The following NLRP7 variants were observed in gnomAD, a reference collection of about 807,000 sequenced individuals.
NLRP7 encodes NACHT, LRR and PYD domains-containing protein 7.
In NLRP7, 72 loss-of-function variants were observed where a neutral mutation model predicts 85.5. The ratio of observed to expected loss-of-function variants is 0.84; its 90% CI spans 0.70 to 1.02. NLRP7 has a LOEUF of 1.02. Ranked by LOEUF, NLRP7 falls within the 50% of genes least tolerant of loss-of-function variation. The pLI is 0.00. For synonymous variants in NLRP7, 550 were observed against 505.2 expected (o/e 1.09, Z -1.19); for missense variants, 1,243 against 1,219.5 (o/e 1.02, Z -0.29).
upstream of NLRP7, among the ~76,000 whole-genome samples, chr19:54,950,642 T>C (rs150736133): frequency 0.029 from 4,309 of 149,608 alleles, 87 homozygotes; most frequent in African/African-American, 0.048. Flanking sequence ...GCAGTATTGC[T>C]GCCCGCATGT....
chr19:54,938,118 G>A, exon 5 of NLRP7: 1 of 1,614,072 alleles, frequency 6.2e-7, no homozygotes, highest in Non-Finnish European at 8.5e-7. Context: ...CACTCAGGAA[G>A]CTTTGTTTCA....
intron 8 of NLRP7, among the ~76,000 whole-genome samples, chr19:54,930,910 C>T (rs1185843649): frequency 2.0e-5 from 3 of 152,070 alleles, no homozygotes; most frequent in Non-Finnish European, 4.4e-5. Context: ...GTAGTGCCAG[C>T]TACTCAGAAG....
At chr19:54,948,154 C>T (rs1431907191), upstream of NLRP7, among the ~76,000 whole-genome samples, 7 of 152,234 alleles carry the variant, frequency 4.6e-5, no homozygotes, top group Non-Finnish European at 8.8e-5. Context: ...GAAGCCGAGG[C>T]GGGTGGATCA....
At chr19:54,933,853 T>C in intron 7 of NLRP7, 114 bp from the exon 8 acceptor site, 1 of 915,360 alleles carries the variant, frequency 1.1e-6, no homozygotes, top group Non-Finnish European at 1.8e-6. Flanking sequence ...GTTCATCCCC[T>C]GCCCTCTGTC....
At chr19:54,960,082 G>A (rs557146233) in intron 1 of NLRP7, among the ~76,000 whole-genome samples, 12 of 152,060 alleles carry the variant, frequency 7.9e-5, no homozygotes, top group African/African-American at 2.9e-4. Flanking sequence ...CCCTTTGCAG[G>A]TTCCATCTAC....
rs537747373 is a variant in NLRP7 at position 54,959,098 on chromosome 19, G to A, written c.-77+6942C>T. Among the ~76,000 whole-genome samples the A allele has an allele frequency of 2.4e-4, 36 of 151,878 alleles. 1 individual carries two copies. The highest frequency in any genetic ancestry group is 1.0e-3 in the South Asian group (5 of 4,802). The stretch of plus-strand genomic sequence containing the variant: ...GGTTTTGGGTCTGGTGCCTGGCGCC[G>A]GGCTACCTGCCTTTGGTTTCACTTC... On this transcript the variant is annotated intron_variant, in intron 1 of 2. Transcript: ENST00000587103.
At chr19:54,932,620 C>T (rs2068724120) in intron 8 of NLRP7, among the ~76,000 whole-genome samples, 1 of 152,054 alleles carries the variant, frequency 6.6e-6, no homozygotes, top group African/African-American at 2.4e-5. Context: ...CAACCTGCCA[C>T]CTATGTCTTT....
At chr19:54,962,829 G>A (rs1429212704) in intron 1 of NLRP7, among the ~76,000 whole-genome samples, 1 of 149,936 alleles carries the variant, frequency 6.7e-6, no homozygotes, top group Non-Finnish European at 1.5e-5. Flanking sequence ...TCCATCTCCT[G>A]ACCTCGTGAT....
At chr19:54,952,919 C>T (rs2069717732) in intron 1 of NLRP7, among the ~76,000 whole-genome samples, 1 of 151,900 alleles carries the variant, frequency 6.6e-6, no homozygotes, top group African/African-American at 2.4e-5. Context: ...GGGTGGATTA[C>T]CCGAAGTAGA....
intron 1 of NLRP7, among the ~76,000 whole-genome samples, chr19:54,961,294 C>G (rs2070033544): frequency 6.6e-6 from 1 of 151,650 alleles, no homozygotes; most frequent in Non-Finnish European, 1.5e-5. Context: ...GTGGATCACC[C>G]GAGGTCAGGA....
chr19:54,943,590 G>A (rs541534626), intron 1 of NLRP7, among the ~76,000 whole-genome samples: 94 of 138,014 alleles, frequency 6.8e-4, no homozygotes, highest in African/African-American at 2.3e-3. Flanking sequence ...GACAGAGCGA[G>A]ACTCCGTCTG....
At position 54,957,048 on chromosome 19, in the gene NLRP7, G is replaced by T. The variant is rs145879588; in HGVS notation, c.-77+8992C>A. The stretch of plus-strand genomic sequence containing the variant: ...TTTATTTATTTTATTTTGAGACAGG[G>T]TCTCCCTCTATCTCCCAGGCTGCAG... On this transcript the variant is annotated intron_variant, in intron 1 of 2. Coordinates refer to the NLRP7 transcript ENST00000587103. Among the ~76,000 whole-genome samples the T allele has an allele frequency of 9.0e-3, 1,364 of 151,686 alleles. 13 individuals carry two copies. Among genetic ancestry groups the T allele is most frequent in the African/African-American group, 0.03 (1,258 of 41,384 alleles).
intron 1 of NLRP7, among the ~76,000 whole-genome samples, chr19:54,944,532 C>T (rs901009112): frequency 2.6e-5 from 4 of 151,954 alleles, no homozygotes; most frequent in East Asian, 1.9e-4. Flanking sequence ...AACTCAGAGA[C>T]CCGGCCGGCG....
At chr19:54,929,171 C>CCA (rs1053036102) in intron 9 of NLRP7, among the ~76,000 whole-genome samples, 19 of 151,996 alleles carry the variant, frequency 1.3e-4, no homozygotes, top group African/African-American at 4.6e-4. Flanking sequence ...GAGTTTGAGA[C>CCA]CAGTCTGGCT....
chr19:54,940,459 C>T (rs757284695), exon 4 of NLRP7: 19 of 1,613,728 alleles, frequency 1.2e-5, no homozygotes, highest in South Asian at 8.8e-5. Flanking sequence ...TCCATCCTTC[C>T]TTTTCACCTG....
At chr19:54,949,587 T>G (rs1340192090), upstream of NLRP7, among the ~76,000 whole-genome samples, 1 of 152,070 alleles carries the variant, frequency 6.6e-6, no homozygotes, top group East Asian at 1.9e-4. Flanking sequence ...CACCTGAGTT[T>G]ATGTAAATGA....
intron 1 of NLRP7, among the ~76,000 whole-genome samples, chr19:54,945,675 T>G (rs2069438506): frequency 6.6e-6 from 1 of 151,902 alleles, no homozygotes. Context: ...CTCGACTCAC[T>G]GCAACCTCCA....
intron 9 of NLRP7, among the ~76,000 whole-genome samples, 177 bp from the exon 10 acceptor site, chr19:54,927,952 G>C (rs1180180979): frequency 6.6e-6 from 1 of 152,096 alleles, no homozygotes; most frequent in African/African-American, 2.4e-5. Flanking sequence ...ATTAGGCAGG[G>C]CGTGGGGACA....
At chr19:54,958,634 G>A (rs2069934636) in intron 1 of NLRP7, among the ~76,000 whole-genome samples, 1 of 150,366 alleles carries the variant, frequency 6.7e-6, no homozygotes. Context: ...GACAGAGTGA[G>A]ACTCTGTCTC....
Sources: gnomAD v4.1 joint callset for allele counts (sites outside exome capture counted in the v4.1 genomes callset) on GRCh38, gnomAD v4.1.1 for gene constraint, MANE v1.5 for transcripts, NCBI Gene and HGNC (gene_info 2026-07-23, HGNC 2026-07-21) for gene names.